FGFR1OP2: variants seen among roughly 807,000 people sequenced by gnomAD.
The protein encoded by FGFR1OP2 is FGFR1 oncogene partner 2.
A neutral mutation model predicts 35.2 loss-of-function variants in FGFR1OP2; 17 were observed. The observed-to-expected ratio is 0.48, with a 90% confidence interval of 0.33 to 0.73. The LOEUF is 0.73. Among genes scored for constraint, FGFR1OP2 ranks in the 30% least tolerant of loss-of-function variants. The pLI is 0.02. For missense variants in FGFR1OP2, 251 were observed against 307.3 expected (o/e 0.82, Z 1.37); for synonymous variants, 105 against 104.6 (o/e 1.00, Z -0.03).
chr12:26,959,638 A>G (rs906598589), intron 4 of FGFR1OP2, among the ~76,000 whole-genome samples: 1 of 152,178 alleles, frequency 6.6e-6, no homozygotes, highest in African/African-American at 2.4e-5. Context: ...ATTTCCTAAG[A>G]TAGCTGTAAG....
chr12:26,939,556 G>A (rs1938680420), intron 1 of FGFR1OP2, among the ~76,000 whole-genome samples: 1 of 152,192 alleles, frequency 6.6e-6, no homozygotes, highest in Non-Finnish European at 1.5e-5. Context: ...ACGTGCGGAT[G>A]TCTAGGATGT....
At chr12:26,953,905 G>A (rs1447714110) in intron 1 of FGFR1OP2, among the ~76,000 whole-genome samples, 1 of 152,132 alleles carries the variant, frequency 6.6e-6, no homozygotes, top group Admixed American at 6.5e-5. Flanking sequence ...ATGCGTTCTA[G>A]TTCTGTCTGC....
intron 4 of FGFR1OP2, 42 bp from the exon 5 acceptor site, chr12:26,960,473 G>A (rs760952776): frequency 2.0e-5 from 28 of 1,394,966 alleles, no homozygotes; most frequent in African/African-American, 4.2e-5. Flanking sequence ...TTTAAATTAC[G>A]GATGATATCC....
intron 5 of FGFR1OP2, chr12:26,963,131 T>C: frequency 2.5e-6 from 1 of 406,666 alleles, no homozygotes; most frequent in Non-Finnish European, 4.4e-6. Context: ...AGTTATATTG[T>C]GCTGCTTATT....
chr12:26,954,075 G>A, intron 1 of FGFR1OP2, 70 bp from the exon 2 acceptor site: 1 of 1,192,218 alleles, frequency 8.4e-7, no homozygotes, highest in Admixed American at 2.7e-5. Context: ...GCATATCTGT[G>A]TTGACATGAA....
At chr12:26,943,204 AC>A (rs2136347307) in intron 1 of FGFR1OP2, among the ~76,000 whole-genome samples, 2 of 152,218 alleles carry the variant, frequency 1.3e-5, no homozygotes, top group African/African-American at 4.8e-5. Flanking sequence ...AAAAAAGCCA[AC>A]CTTTCTCCTT....
intron 1 of FGFR1OP2, among the ~76,000 whole-genome samples, chr12:26,945,864 A>AGG (rs1565847101): frequency 4.0e-5 from 6 of 150,614 alleles, no homozygotes; most frequent in Non-Finnish European, 5.9e-5. Flanking sequence ...TCCGTCTCAA[A>AGG]AAAAAAAAAA....
At chr12:26,953,157 G>A (rs548503786) in intron 1 of FGFR1OP2, among the ~76,000 whole-genome samples, 50 of 151,512 alleles carry the variant, frequency 3.3e-4, no homozygotes, top group Non-Finnish European at 5.9e-4. Flanking sequence ...CCAGCTACTC[G>A]GGAGGCTGAG....
intron 1 of FGFR1OP2, among the ~76,000 whole-genome samples, chr12:26,953,261 G>GT (rs979800805): frequency 2.0e-4 from 19 of 95,870 alleles, no homozygotes; most frequent in Admixed American, 5.2e-4. Flanking sequence ...GAGCGAGACT[G>GT]TGTCTCCAAA....
chr12:26,952,990 C>T (rs753239297), intron 1 of FGFR1OP2, among the ~76,000 whole-genome samples: 1 of 151,942 alleles, frequency 6.6e-6, no homozygotes, highest in African/African-American at 2.4e-5. Flanking sequence ...CAGCTGGGCA[C>T]GGTGGCTCAC....
chr12:26,963,779 A>ATTTTTTT (rs1367771324), intron 6 of FGFR1OP2, among the ~76,000 whole-genome samples: 1 of 151,962 alleles, frequency 6.6e-6, no homozygotes. Flanking sequence ...ATACAGGGAA[A>ATTTTTTT]TTTTTTTTAA....
At chr12:26,947,472 G>C (rs1391689376) in intron 1 of FGFR1OP2, among the ~76,000 whole-genome samples, 1 of 152,030 alleles carries the variant, frequency 6.6e-6, no homozygotes, top group East Asian at 1.9e-4. Context: ...GGAGTGCAGT[G>C]GCACAGCCAG....
At chr12:26,953,843 A>G (rs1938976943) in intron 1 of FGFR1OP2, 2 of 174,800 alleles carry the variant, frequency 1.1e-5, no homozygotes, top group African/African-American at 4.7e-5. Flanking sequence ...ATATAACATT[A>G]TATTCCTTGG....
Position 26,964,867 on chromosome 12 carries a change from C to T in FGFR1OP2, c.*134C>T. On this transcript the variant is annotated 3_prime_UTR_variant, in exon 7 of 7. Transcript: ENST00000229395. ...CAGTGCACGGGCTATGAGATAGCAA[C>T]AAAAAATGCATAGTTAATGGTCATA... 1 of 801,452 alleles carries T rather than the reference C, an allele frequency of 1.2e-6. No individual in the cohort carries two copies. Among genetic ancestry groups the T allele is most frequent in the Non-Finnish European group, 1.9e-6 (1 of 532,504 alleles). 49.6% of individuals were successfully genotyped at this position (801,452 alleles called of 1,614,324 possible).
chr12:26,944,099 A>G (rs554629871), intron 1 of FGFR1OP2, among the ~76,000 whole-genome samples: 10 of 152,036 alleles, frequency 6.6e-5, no homozygotes, highest in Non-Finnish European at 1.3e-4. Flanking sequence ...TGTTGCCAGT[A>G]TATAGAAAAA....
chr12:26,962,056 C>T (rs1400809776), intron 5 of FGFR1OP2: 1 of 152,140 alleles, frequency 6.6e-6, no homozygotes, highest in African/African-American at 2.4e-5. Context: ...CTGTGCTGTC[C>T]AGTGTGGAAG....
rs1174799685 is a variant in FGFR1OP2, at chr12:26,950,213, G to GTT, written c.-14-3907_-14-3906dup. Among the ~76,000 whole-genome samples the GTT allele has an allele frequency of 6.9e-3, 349 of 50,924 alleles. 120 individuals carry two copies. Among genetic ancestry groups the GTT allele is most frequent in the Admixed American group, 0.01 (31 of 3,050 alleles). The allele number at this position is 50,924 out of a possible 152,430, so 33.4% of individuals were successfully genotyped here. On this transcript the variant is annotated intron_variant, in intron 1 of 6. Transcript: ENST00000229395. ...CCATCAAGTAGTTAATGTATTCGTT[G>GTT]TTTTTTTTTTTTTTTTTTTTTTTTT...
intron 5 of FGFR1OP2, chr12:26,961,293 T>G (rs1205563874): frequency 6.6e-6 from 1 of 152,214 alleles, no homozygotes; most frequent in African/African-American, 2.4e-5. Context: ...TCTGTGATAC[T>G]TCTCTGAAGA....
chr12:26,959,224 T>C (rs1336842395), intron 4 of FGFR1OP2, among the ~76,000 whole-genome samples: 1 of 152,088 alleles, frequency 6.6e-6, no homozygotes, highest in Non-Finnish European at 1.5e-5. Context: ...ATGCTATTCA[T>C]CTCCTAATCA....
Sources: allele counts gnomAD v4.1 joint callset (sites outside exome capture counted in the v4.1 genomes callset), GRCh38; gene constraint gnomAD v4.1.1; transcripts MANE v1.5; gene names NCBI Gene and HGNC (gene_info 2026-07-23, HGNC 2026-07-21).